Variants in STARD13 observed in about 807,000 individuals in gnomAD.
The protein encoded by STARD13 is StAR related lipid transfer domain containing 13, also known as stAR-related lipid transfer protein 13.
STARD13 carries 62 observed loss-of-function variants against 106.4 expected under a neutral mutation model. The ratio of observed to expected loss-of-function variants is 0.58; its 90% CI spans 0.48 to 0.72. The LOEUF (loss-of-function observed/expected upper bound fraction) is 0.72, where lower values mean the gene tolerates loss of function less well. Ranked by LOEUF, STARD13 falls within the 30% of genes least tolerant of loss-of-function variation. The pLI is 0.00. For missense variants in STARD13, 1,387 were observed against 1,424.0 expected (o/e 0.97, Z 0.42); for synonymous variants, 565 against 553.0 (o/e 1.02, Z -0.31).
intron 4 of STARD13, among the ~76,000 whole-genome samples, chr13:33,136,124 A>AAC: frequency 6.6e-6 from 1 of 151,366 alleles, no homozygotes; most frequent in South Asian, 2.1e-4. Flanking sequence ...CTACCTCAAA[A>AAC]AAAAAAAATT....
At chr13:33,614,297 T>TGTGTGTGTGTGTGTGTGTGTGTGTG in the STARD13 span, among the ~76,000 whole-genome samples, 1 of 15,122 alleles carries the variant, frequency 6.6e-5, no homozygotes, top group African/African-American at 2.1e-4. Flanking sequence ...GTGTGTGTGT[T>TGTGTGTGTGTGTGTGTGTGTGTGTG]TCTTGGAAAA....
chr13:33,534,061 G>A, the STARD13 span, among the ~76,000 whole-genome samples: 1 of 152,208 alleles, frequency 6.6e-6, no homozygotes, highest in African/African-American at 2.4e-5. Flanking sequence ...AATAAGTAGA[G>A]ATAAGTGGAG....
At chr13:33,654,370 AG>A in the STARD13 span, among the ~76,000 whole-genome samples, 20 of 152,202 alleles carry the variant, frequency 1.3e-4, no homozygotes, top group African/African-American at 4.3e-4. Context: ...GAAACACAAA[AG>A]GGTACATACT....
intron 1 of STARD13, among the ~76,000 whole-genome samples, chr13:33,233,462 G>A (rs1240158748): frequency 1.3e-5 from 2 of 152,168 alleles, no homozygotes; most frequent in Non-Finnish European, 2.9e-5. Flanking sequence ...TGACTTCAGG[G>A]AAGACGACCT....
chr13:33,490,102 T>C, the STARD13 span, among the ~76,000 whole-genome samples: 5 of 152,194 alleles, frequency 3.3e-5, no homozygotes, highest in Non-Finnish European at 7.4e-5. Flanking sequence ...TCTGATACAA[T>C]TATAAATGGA....
At chr13:33,426,738 A>G in the STARD13 span, among the ~76,000 whole-genome samples, 1 of 152,134 alleles carries the variant, frequency 6.6e-6, no homozygotes, top group Admixed American at 6.5e-5. Flanking sequence ...GGGTAAATAG[A>G]GTGTACTTAT....
the STARD13 span, among the ~76,000 whole-genome samples, chr13:33,464,849 T>G: frequency 6.6e-6 from 1 of 151,964 alleles, no homozygotes; most frequent in East Asian, 1.9e-4. Flanking sequence ...AAAAAAAAAT[T>G]GTTGAACGCC....
chr13:33,414,003 A>G, the STARD13 span, among the ~76,000 whole-genome samples: 1 of 146,164 alleles, frequency 6.8e-6, no homozygotes, highest in African/African-American at 2.7e-5. Flanking sequence ...ACTGCACTCC[A>G]GCCTCAGGGA....
At chr13:33,111,027 C>A in intron 10 of STARD13, 120 bp from the exon 11 acceptor site, 1 of 793,698 alleles carries the variant, frequency 1.3e-6, no homozygotes, top group Non-Finnish European at 2.0e-6. Context: ...GGCCACACGG[C>A]CAGAGATGTT....
chr13:33,636,279 A>C, the STARD13 span, among the ~76,000 whole-genome samples: 1 of 151,984 alleles, frequency 6.6e-6, no homozygotes, highest in Non-Finnish European at 1.5e-5. Context: ...CTTTCTCCTT[A>C]GTCTTCTATT....
At chr13:33,617,832 C>T in the STARD13 span, among the ~76,000 whole-genome samples, 1 of 152,090 alleles carries the variant, frequency 6.6e-6, no homozygotes, top group African/African-American at 2.4e-5. Context: ...CCTGGGAAGA[C>T]AGATAAGACG....
upstream of STARD13, among the ~76,000 whole-genome samples, chr13:33,289,816 G>A (rs1892218844): frequency 6.6e-6 from 1 of 152,066 alleles, no homozygotes; most frequent in African/African-American, 2.4e-5. Flanking sequence ...CCTCTTAGGA[G>A]TAACCCATAG....
chr13:33,484,557 C>T, the STARD13 span, among the ~76,000 whole-genome samples: 1 of 152,116 alleles, frequency 6.6e-6, no homozygotes, highest in East Asian at 1.9e-4. Flanking sequence ...CCAATTACAT[C>T]CCCAACCAAT....
the STARD13 span, among the ~76,000 whole-genome samples, chr13:33,530,830 T>C: frequency 6.6e-6 from 1 of 152,234 alleles, no homozygotes; most frequent in African/African-American, 2.4e-5. Flanking sequence ...AATATGTTTA[T>C]ACAGAGATAT....
the STARD13 span, among the ~76,000 whole-genome samples, chr13:33,394,560 T>C: frequency 6.6e-6 from 1 of 152,192 alleles, no homozygotes; most frequent in Non-Finnish European, 1.5e-5. Flanking sequence ...ACATTATCTA[T>C]GTAATTACGC....
chr13:33,657,114 CA>C, the STARD13 span, among the ~76,000 whole-genome samples: 1 of 152,010 alleles, frequency 6.6e-6, no homozygotes, highest in Non-Finnish European at 1.5e-5. Context: ...CTAAAAAATA[CA>C]AAAAATTAGC....
chr13:33,156,753 T>C (rs149230790), intron 3 of STARD13, among the ~76,000 whole-genome samples: 1 of 152,322 alleles, frequency 6.6e-6, no homozygotes, highest in African/African-American at 2.4e-5. Flanking sequence ...ATTTAATGAG[T>C]AAATATTTGC....
At chr13:33,559,469 T>C in the STARD13 span, among the ~76,000 whole-genome samples, 5 of 151,506 alleles carry the variant, frequency 3.3e-5, no homozygotes, top group Non-Finnish European at 7.4e-5. Context: ...ACTCCCAATG[T>C]GATGATATTA....
At chr13:33,600,598 T>C in the STARD13 span, among the ~76,000 whole-genome samples, 1 of 152,228 alleles carries the variant, frequency 6.6e-6, no homozygotes, top group Admixed American at 6.5e-5. Flanking sequence ...GTATACGGTA[T>C]TCCTATTCAA....
Sources: allele counts gnomAD v4.1 joint callset (sites outside exome capture counted in the v4.1 genomes callset), GRCh38; gene constraint gnomAD v4.1.1; transcripts MANE v1.5; gene names NCBI Gene and HGNC (gene_info 2026-07-23, HGNC 2026-07-21).